The following KCNK5 variants were observed in gnomAD, a reference collection of about 807,000 sequenced individuals.
KCNK5 encodes the protein potassium channel subfamily K member 5.
Under a neutral mutation model 32.9 loss-of-function variants are expected in KCNK5, and 18 were observed. The observed-to-expected ratio is 0.55, with a 90% CI of 0.38 to 0.81. The LOEUF (loss-of-function observed/expected upper bound fraction) is 0.81, where lower values mean the gene tolerates loss of function less well. KCNK5 is among the 30% of genes least tolerant of loss of function. The pLI, the probability that KCNK5 is intolerant of heterozygous loss-of-function variation, is 0.00. For missense variants in KCNK5, 507 were observed against 651.0 expected, an observed-to-expected ratio of 0.78 and a Z score of 2.41; for synonymous variants, 276 against 275.3, an observed-to-expected ratio of 1.00 and a Z score of -0.03.
chr6:39,226,833 G>A (rs146673259), intron 1 of KCNK5, among the ~76,000 whole-genome samples: 165 of 152,244 alleles, frequency 1.1e-3, no homozygotes, highest in Non-Finnish European at 1.7e-3. Flanking sequence ...CCCAGTTGGG[G>A]TTGGTTTGGG....
intron 1 of KCNK5, 120 bp downstream of exon 1, chr6:39,228,806 C>A: frequency 1.0e-6 from 1 of 961,486 alleles, no homozygotes. Flanking sequence ...TCTCTCATCA[C>A]CCCCTGGACC....
chr6:39,228,872 C>T, intron 1 of KCNK5, 54 bp downstream of exon 1: 4 of 1,579,778 alleles, frequency 2.5e-6, no homozygotes, highest in Non-Finnish European at 2.6e-6. Flanking sequence ...TTTCAGCGCC[C>T]CCTAAAGCTC....
At chr6:39,206,698 GAGGGGAA>G (rs993294348) in intron 1 of KCNK5, among the ~76,000 whole-genome samples, 4 of 152,168 alleles carry the variant, frequency 2.6e-5, no homozygotes, top group Non-Finnish European at 4.4e-5. Flanking sequence ...GGAGAGGGCA[GAGGGGAA>G]AGGCCACATC....
chr6:39,217,582 G>A (rs147998550), intron 1 of KCNK5, among the ~76,000 whole-genome samples: 4 of 152,284 alleles, frequency 2.6e-5, no homozygotes, highest in African/African-American at 9.6e-5. Flanking sequence ...AGTAACCTTG[G>A]GCAAGTTACA....
intron 1 of KCNK5, among the ~76,000 whole-genome samples, chr6:39,201,402 C>A (rs1771131658): frequency 6.6e-6 from 1 of 152,086 alleles, no homozygotes; most frequent in Non-Finnish European, 1.5e-5. Flanking sequence ...CAGGCAGGTG[C>A]CACCATGCCC....
intron 1 of KCNK5, among the ~76,000 whole-genome samples, chr6:39,224,416 C>T (rs1338977996): frequency 2.0e-5 from 3 of 152,176 alleles, no homozygotes; most frequent in Non-Finnish European, 4.4e-5. Context: ...CCATTCTAAG[C>T]ATTTTGGCCA....
At chr6:39,197,423 T>C (rs1396482277) in intron 1 of KCNK5, among the ~76,000 whole-genome samples, 1 of 152,232 alleles carries the variant, frequency 6.6e-6, no homozygotes, top group African/African-American at 2.4e-5. Flanking sequence ...TCCTCCGGCA[T>C]TTCACAGCAT....
At chr6:39,214,304 C>T (rs535869509) in intron 1 of KCNK5, among the ~76,000 whole-genome samples, 1 of 152,210 alleles carries the variant, frequency 6.6e-6, no homozygotes, top group Non-Finnish European at 1.5e-5. Flanking sequence ...AGGCAACCTA[C>T]TGACCTGTCC....
chr6:39,199,263 G>A (rs1771086208), intron 1 of KCNK5, among the ~76,000 whole-genome samples: 1 of 152,204 alleles, frequency 6.6e-6, no homozygotes. Flanking sequence ...AAGTGCTAAG[G>A]AGACATCAAA....
At chr6:39,216,004 C>T (rs555469386) in intron 1 of KCNK5, among the ~76,000 whole-genome samples, 219 of 152,294 alleles carry the variant, frequency 1.4e-3, no homozygotes, top group Non-Finnish European at 3.2e-4. Context: ...TATATGGGGC[C>T]GGGCGTGGTG....
chr6:39,201,038 T>TAC (rs1212716437), intron 1 of KCNK5, among the ~76,000 whole-genome samples: 2 of 152,162 alleles, frequency 1.3e-5, no homozygotes, highest in Admixed American at 1.3e-4. Context: ...ATAGAGCTAC[T>TAC]CCCGGCCCTG....
intron 1 of KCNK5, among the ~76,000 whole-genome samples, chr6:39,208,446 C>A (rs1344291137): frequency 6.6e-6 from 1 of 152,186 alleles, no homozygotes; most frequent in Non-Finnish European, 1.5e-5. Context: ...CTTCTCAAAG[C>A]CCCCTGCAGG....
In KCNK5 at chr6:39,194,604, C is replaced by T. The variant is rs759550447; in HGVS notation, c.455G>A (p.Gly152Asp). 4 of 1,614,130 alleles carry T rather than the reference C, an allele frequency of 2.5e-6. No individual in the cohort carries two copies. Among genetic ancestry groups the T allele is most frequent in the Non-Finnish European group, 3.4e-6 (4 of 1,180,002 alleles). The change falls in exon 3 of 5, where the codon GGT (glycine) becomes GAT (aspartate). Residue 152 changes from glycine (G) to aspartate (D), a missense_variant. Around this residue, in one of 6 missense-constraint regions of KCNK5, gnomAD observed 143 missense variants for 219.1 expected, o/e 0.65. Transcript: ENST00000359534. The surrounding 1 kb of genome is among the most constrained non-coding windows in gnomAD (Gnocchi z 4.7). ...KRLGQFLTKR[G>D]VSLRKAQITC... The stretch of plus-strand genomic sequence containing the variant: ...GGGTAGGGGACATACCAGACTCACA[C>T]CTCTCTTGGTAAGGAACTGCCCTAG...
Position 39,190,932 on chromosome 6 carries a change from C to T in KCNK5, c.1458G>A (p.Leu486=). The change falls in exon 5 of 5, where the codon CTG becomes CTA. Residue 486 remains leucine (L), a synonymous_variant. Coordinates refer to ENST00000359534, the MANE Select transcript of KCNK5 (RefSeq NM_003740.4). ...TGTTAGCCTTGTTGTACTCATTCAT[C>T]AGCTGTTCGTAAGGCACAGAGAGCT... ...ESELSVPYEQ[L]MNEYNKANSP... is the part of the protein sequence containing the mutation. 4.0e-6 allele frequency: 6 copies of T among 1,490,656 alleles called. No homozygotes were observed. Among genetic ancestry groups the T allele is most frequent in the South Asian group, 2.8e-5 (2 of 70,922 alleles). The allele number at this position is 1,490,656 out of a possible 1,614,324, so 92.3% of individuals were successfully genotyped here.
intron 1 of KCNK5, among the ~76,000 whole-genome samples, chr6:39,215,462 C>G (rs1373465644): frequency 6.6e-6 from 1 of 152,192 alleles, no homozygotes; most frequent in Non-Finnish European, 1.5e-5. Context: ...GGACGTCTTT[C>G]TCCTCCAGAG....
chr6:39,209,082 T>G (rs1013065195), intron 1 of KCNK5, among the ~76,000 whole-genome samples: 3 of 149,818 alleles, frequency 2.0e-5, no homozygotes, highest in Admixed American at 6.6e-5. Context: ...CAGAGAGAGA[T>G]TCAGTCTCAA....
chr6:39,205,739 G>A (rs1771213754), intron 1 of KCNK5, among the ~76,000 whole-genome samples: 1 of 152,206 alleles, frequency 6.6e-6, no homozygotes, highest in African/African-American at 2.4e-5. Context: ...CTGTCCAGCT[G>A]GGCAGAGCAG....
intron 1 of KCNK5, among the ~76,000 whole-genome samples, chr6:39,219,288 C>T (rs1445065217): frequency 6.6e-6 from 1 of 152,124 alleles, no homozygotes; most frequent in East Asian, 1.9e-4. Context: ...GTCCCTCCCT[C>T]AAAGGGGAGA....
chr6:39,228,810 C>T (rs1237025119), intron 1 of KCNK5, 116 bp downstream of exon 1: 19 of 1,019,184 alleles, frequency 1.9e-5, no homozygotes, highest in Non-Finnish European at 2.8e-5. Context: ...TCATCACCCC[C>T]TGGACCTTCC....
Sources: allele counts gnomAD v4.1 joint callset (sites outside exome capture counted in the v4.1 genomes callset), GRCh38; gene constraint gnomAD v4.1.1; regional missense constraint gnomAD v4.1.1; non-coding constraint Gnocchi (gnomAD v3.1); transcripts MANE v1.5; gene names NCBI Gene and HGNC (gene_info 2026-07-23, HGNC 2026-07-21).